Variants in DLC1 observed in about 807,000 individuals in gnomAD.
DLC1 encodes DLC1 Rho GTPase activating protein, also known as rho GTPase-activating protein 7.
DLC1 carries 54 observed loss-of-function variants against 140.3 expected under a neutral mutation model. The ratio of observed to expected loss-of-function variants is 0.38; its 90% CI spans 0.31 to 0.48. The LOEUF is 0.48. DLC1 is among the 20% of genes least tolerant of loss of function. The probability of loss-of-function intolerance (pLI) is 0.96; values close to 1 mark genes in which losing one functional copy is unlikely to be tolerated. For missense variants in DLC1, 2,536 were observed against 1,907.0 expected (o/e 1.33, Z -6.14); for synonymous variants, 986 against 728.1 (o/e 1.35, Z -5.70).
intron 1 of DLC1, chr8:13,567,536 G>C (rs912441527): frequency 1.3e-6 from 2 of 1,551,746 alleles, no homozygotes; most frequent in East Asian, 2.4e-5. Context: ...AAAAACATGA[G>C]GACAACGCCA....
At chr8:13,270,130 T>C (rs1222199719) in intron 5 of DLC1, among the ~76,000 whole-genome samples, 8 of 151,988 alleles carry the variant, frequency 5.3e-5, no homozygotes, top group Non-Finnish European at 1.0e-4. Context: ...TCATTTGAAA[T>C]AGAGAACTTC....
At chr8:13,284,483 C>T (rs181255577) in intron 5 of DLC1, among the ~76,000 whole-genome samples, 94 of 151,994 alleles carry the variant, frequency 6.2e-4, no homozygotes, top group Middle Eastern at 3.4e-3. Flanking sequence ...GCTGAGATCG[C>T]GCCATTGCAC....
At chr8:13,288,412 TA>T (rs1483704559) in intron 5 of DLC1, among the ~76,000 whole-genome samples, 1 of 152,204 alleles carries the variant, frequency 6.6e-6, no homozygotes, top group Admixed American at 6.5e-5. Context: ...TCTCTCCTTC[TA>T]AACTCAAACT....
intron 15 of DLC1, 182 bp from the exon 16 acceptor site, chr8:13,088,886 T>C (rs1269115962): frequency 3.6e-6 from 2 of 558,724 alleles, no homozygotes; most frequent in Non-Finnish European, 6.1e-6. Flanking sequence ...AATCTATGAC[T>C]TAAATAGGCT....
chr8:13,094,376 G>A (rs1012217131), intron 12 of DLC1, among the ~76,000 whole-genome samples: 8 of 152,144 alleles, frequency 5.3e-5, no homozygotes, highest in Non-Finnish European at 8.8e-5. Context: ...TCAAAAGAAC[G>A]CTATCAAGGC....
intron 5 of DLC1, among the ~76,000 whole-genome samples, chr8:13,201,292 T>C (rs1043573210): frequency 6.6e-6 from 1 of 152,170 alleles, no homozygotes; most frequent in African/African-American, 2.4e-5. Context: ...ATATATTGTG[T>C]CAAACTGCTA....
intron 6 of DLC1, among the ~76,000 whole-genome samples, chr8:13,115,239 T>C (rs1585667575): frequency 6.6e-6 from 1 of 152,160 alleles, no homozygotes; most frequent in African/African-American, 2.4e-5. Flanking sequence ...TGAAATTACA[T>C]ACGACACACT....
intron 5 of DLC1, among the ~76,000 whole-genome samples, chr8:13,223,266 A>G (rs1047586495): frequency 4.5e-4 from 69 of 152,280 alleles, no homozygotes; most frequent in African/African-American, 1.6e-3. Context: ...CCTGTGGCCC[A>G]TCAGACTAGA....
At chr8:13,132,965 G>T in intron 5 of DLC1, 1 of 1,611,058 alleles carries the variant, frequency 6.2e-7, no homozygotes, top group Non-Finnish European at 8.5e-7. Flanking sequence ...ATGGTGTCCG[G>T]CTTCTTTCTG....
At chr8:13,486,355 G>T (rs1006464508) in intron 2 of DLC1, among the ~76,000 whole-genome samples, 1 of 151,652 alleles carries the variant, frequency 6.6e-6, no homozygotes, top group African/African-American at 2.4e-5. Flanking sequence ...TTTTTCCCCC[G>T]CACACAAAGT....
At chr8:13,268,728 A>T (rs180770535) in intron 5 of DLC1, among the ~76,000 whole-genome samples, 44 of 151,834 alleles carry the variant, frequency 2.9e-4, no homozygotes, top group Non-Finnish European at 6.0e-4. Context: ...GGCATCCAGA[A>T]ATTCTGACTT....
chr8:13,280,374 G>A lies in DLC1; in HGVS notation c.1348+24895C>T, dbSNP rs150288019. Among the ~76,000 whole-genome samples, 324 of 151,978 alleles carry A rather than the reference G, an allele frequency of 2.1e-3. 2 individuals are homozygous for A. Among genetic ancestry groups the A allele is most frequent in the Admixed American group, 4.6e-3 (70 of 15,260 alleles). ...GCAGTTTCTTATTTCTGTGATAAAG[G>A]GTTAGTTTCAGCCATTGGTGGAGGT... On this transcript the variant is annotated intron_variant, in intron 5 of 17. Transcript: ENST00000276297.
rs78298571 is a variant in DLC1 at position 13,357,632 on chromosome 8, C to G, written c.1314+35921G>C. Among the ~76,000 whole-genome samples, 661 of 152,314 alleles carry G rather than the reference C, an allele frequency of 4.3e-3. 10 individuals are homozygous for G. Among genetic ancestry groups the G allele is most frequent in the Middle Eastern group, 0.02 (6 of 294 alleles). ...AGCAAGGGTTGTGAAATTCTGAACA[C>G]AGTTTCAAGAAATTACAAGAAGAGT... On this transcript the variant is annotated intron_variant, in intron 4 of 17. Transcript: ENST00000276297.
intron 5 of DLC1, among the ~76,000 whole-genome samples, chr8:13,222,025 T>A (rs1279021353): frequency 6.7e-6 from 1 of 148,684 alleles, no homozygotes; most frequent in Non-Finnish European, 1.5e-5. Context: ...AAGTGAGAAG[T>A]TAAACTTAGC....
chr8:13,091,605 T>C (rs981356036), intron 13 of DLC1, among the ~76,000 whole-genome samples, 173 bp from the exon 14 acceptor site: 2 of 152,222 alleles, frequency 1.3e-5, no homozygotes, highest in African/African-American at 4.8e-5. Flanking sequence ...CTCAGAGTTT[T>C]GTCAACAACA....
intron 2 of DLC1, among the ~76,000 whole-genome samples, chr8:13,481,906 C>T (rs886328476): frequency 5.3e-5 from 8 of 152,094 alleles, no homozygotes; most frequent in Admixed American, 3.9e-4. Context: ...AAGCCCATGT[C>T]AACATAAAGG....
chr8:13,309,668 C>G (rs1832591885), intron 4 of DLC1, among the ~76,000 whole-genome samples: 1 of 152,160 alleles, frequency 6.6e-6, no homozygotes. Flanking sequence ...ATGTTCTAAA[C>G]ATATGTTGAT....
chr8:13,230,795 C>T (rs1829013570), intron 5 of DLC1, among the ~76,000 whole-genome samples: 1 of 151,962 alleles, frequency 6.6e-6, no homozygotes, highest in Admixed American at 6.6e-5. Context: ...TGGGGTTTCA[C>T]TATGTTGGCC....
rs749267056 is a variant in DLC1 at position 13,499,332 on chromosome 8, C to T, written c.740G>A (p.Arg247Lys). The T allele has an allele frequency of 6.2e-7, 1 of 1,614,014 alleles. No homozygotes were observed. Among genetic ancestry groups the T allele is most frequent in the Non-Finnish European group, 8.5e-7 (1 of 1,180,006 alleles). The part of the protein sequence containing the change: ...KPDPPKDENE[R>K]STCNVVQNEF... ...ATTTTGTACTACATTGCAGGTGCTT[C>T]TTTCATTTTCATCTTTAGGGGGGTC... Residue 247 changes from arginine to lysine, a missense_variant, in exon 2 of 18, where the codon AGA becomes AAA. Physicochemically the swap from Arg to Lys is conservative, Grantham distance 26 (BLOSUM62 2). Transcript: ENST00000276297.
Sources: allele counts gnomAD v4.1 joint callset (sites outside exome capture counted in the v4.1 genomes callset), GRCh38; gene constraint gnomAD v4.1.1; transcripts MANE v1.5; gene names NCBI Gene and HGNC (gene_info 2026-07-23, HGNC 2026-07-21).